Variants in TMEM232 observed in about 807,000 individuals in gnomAD.
TMEM232 encodes transmembrane protein 232.
TMEM232 carries 80 observed loss-of-function variants against 78.8 expected under a neutral mutation model. The observed-to-expected ratio is 1.01, with a 90% CI of 0.85 to 1.22. TMEM232 has a LOEUF of 1.22. Ranked by LOEUF, TMEM232 falls within the 50% of genes most tolerant of loss-of-function variation. TMEM232 has a pLI of 0.00. For missense variants in TMEM232, 881 were observed against 742.2 expected (o/e 1.19, Z -2.17); for synonymous variants, 297 against 254.3 (o/e 1.17, Z -1.60).
intron 11 of TMEM232, among the ~76,000 whole-genome samples, chr5:110,556,495 C>T (rs1331491757): frequency 6.6e-6 from 1 of 151,982 alleles, no homozygotes; most frequent in Non-Finnish European, 1.5e-5. Flanking sequence ...TCAAGCAATC[C>T]TCCCACCATA....
At position 110,646,949 on chromosome 5, in the gene TMEM232, C is replaced by T. The variant is rs530213905; in HGVS notation, c.126-4578G>A. 3.3e-3 allele frequency among the ~76,000 whole-genome samples: 494 copies of T among 150,222 alleles called. 3 individuals are homozygous for T. Among genetic ancestry groups the T allele is most frequent in the African/African-American group, 0.01 (416 of 41,182 alleles). Reference sequence around the variant, plus strand: ...ATGTGAAAAGGTTTTGTTTTTTTTTCTTCTTCTTCTTCTTTTTTCAACTAT... The same window carrying T: ...ATGTGAAAAGGTTTTGTTTTTTTTTTTTCTTCTTCTTCTTTTTTCAACTAT... On this transcript the variant is annotated intron_variant, in intron 2 of 13. Coordinates refer to ENST00000455884, the MANE Select transcript of TMEM232 (RefSeq NM_001039763.4).
At chr5:110,443,270 G>A (rs1245951969) in intron 12 of TMEM232, among the ~76,000 whole-genome samples, 2 of 152,178 alleles carry the variant, frequency 1.3e-5, no homozygotes, top group African/African-American at 4.8e-5. Flanking sequence ...CTATTCTACT[G>A]TGGCCAAGCT....
intron 2 of TMEM232, among the ~76,000 whole-genome samples, chr5:110,643,049 T>C (rs1437082103): frequency 1.3e-5 from 2 of 151,892 alleles, no homozygotes; most frequent in Non-Finnish European, 2.9e-5. Flanking sequence ...TTACAGAATA[T>C]AAATAAGGAG....
intron 11 of TMEM232, among the ~76,000 whole-genome samples, chr5:110,534,769 T>C: frequency 6.6e-6 from 1 of 152,222 alleles, no homozygotes; most frequent in Non-Finnish European, 1.5e-5. Flanking sequence ...TGAATCTCCT[T>C]AGGCACTCTC....
intron 12 of TMEM232, among the ~76,000 whole-genome samples, chr5:110,444,017 G>A (rs889123382): frequency 1.3e-5 from 2 of 152,130 alleles, no homozygotes; most frequent in African/African-American, 4.8e-5. Flanking sequence ...GGAAGGAATT[G>A]CTTTTGTTTG....
At chr5:110,431,714 A>G (rs1441749715) in intron 12 of TMEM232, among the ~76,000 whole-genome samples, 2 of 151,766 alleles carry the variant, frequency 1.3e-5, no homozygotes, top group East Asian at 1.9e-4. Context: ...TACTTATAGA[A>G]TTGACAAAAA....
intron 7 of TMEM232, among the ~76,000 whole-genome samples, chr5:110,622,658 G>A (rs1044649158): frequency 5.9e-5 from 9 of 152,100 alleles, no homozygotes; most frequent in African/African-American, 1.7e-4. Flanking sequence ...ACATACGTGT[G>A]CATGTGTCTT....
chr5:110,444,549 C>T (rs992915940), intron 12 of TMEM232, among the ~76,000 whole-genome samples: 21 of 152,102 alleles, frequency 1.4e-4, no homozygotes, highest in African/African-American at 4.6e-4. Context: ...TGTGATGATG[C>T]TTTTCCGTGA....
Position 110,622,919 on chromosome 5 carries a change from C to T in TMEM232, c.768+2348G>A, listed in dbSNP as rs536677612. 4.6e-5 allele frequency among the ~76,000 whole-genome samples: 7 copies of T among 151,712 alleles called. No individual in the cohort carries two copies. In the East Asian group the frequency reaches 1.4e-3, roughly 29 times the overall value. On this transcript the variant is annotated intron_variant, in intron 7 of 13. Transcript: ENST00000455884. ...ATGACGAGTTAGTGGGTGCAGCACA[C>T]CAGCATGGCACATGTATACATATGT... is the stretch of plus-strand genomic sequence containing the variant.
chr5:110,654,318 ATTTTTATATAAGGTGTAAGG>A (rs1392024939), intron 2 of TMEM232, among the ~76,000 whole-genome samples: 1 of 152,182 alleles, frequency 6.6e-6, no homozygotes, highest in African/African-American at 2.4e-5. Flanking sequence ...TCTTGAATTA[ATTTTTATATAAGGTGTAAGG>A]AAGGGATCCA....
rs181853362 is a variant in TMEM232, at chr5:110,411,726, G to A, written n.308+13097C>T. Among the ~76,000 whole-genome samples the A allele has an allele frequency of 1.5e-3, 229 of 152,214 alleles. 2 individuals carry two copies. Among genetic ancestry groups the A allele is most frequent in the African/African-American group, 5.3e-3 (220 of 41,522 alleles). ...ATAATAGTCTTATTTCACTGAGAATGGTGCCCTTAAGTTTATTCCATATTG... is the reference window on the plus strand; with the variant it reads ...ATAATAGTCTTATTTCACTGAGAATAGTGCCCTTAAGTTTATTCCATATTG... On this transcript the variant is annotated intron_variant and non_coding_transcript_variant, in intron 2 of 8. Transcript: ENST00000507188.
intron 10 of TMEM232, among the ~76,000 whole-genome samples, chr5:110,587,691 ATGTGTGTGTGTG>A (rs147127408): frequency 2.0e-3 from 125 of 63,092 alleles, no homozygotes; most frequent in African/African-American, 6.4e-3. Context: ...ATATATATAT[ATGTGTGTGTGTG>A]TGTGTGTGTG....
exon 2 of TMEM232, chr5:110,734,909 G>A (rs1421857270): frequency 2.0e-5 from 3 of 152,140 alleles, no homozygotes; most frequent in Non-Finnish European, 4.4e-5. Context: ...TTACCAGGCA[G>A]GGCGCAGTGG....
At chr5:110,578,900 A>G (rs1051318451) in intron 10 of TMEM232, among the ~76,000 whole-genome samples, 3 of 151,862 alleles carry the variant, frequency 2.0e-5, no homozygotes, top group African/African-American at 4.8e-5. Flanking sequence ...CCCTTGTGCC[A>G]TAACCCCTAC....
chr5:110,569,774 T>A (rs1178895428), intron 10 of TMEM232, among the ~76,000 whole-genome samples: 1 of 151,882 alleles, frequency 6.6e-6, no homozygotes, highest in Admixed American at 6.6e-5. Context: ...CAATTTTAGT[T>A]CTCACTACAA....
chr5:110,441,618 GTT>G (rs1561498863), intron 12 of TMEM232, among the ~76,000 whole-genome samples: 1 of 152,050 alleles, frequency 6.6e-6, no homozygotes, highest in East Asian at 1.9e-4. Context: ...ATGATATAGC[GTT>G]TCTATAATTG....
At chr5:110,669,784 T>C (rs980536987) in intron 1 of TMEM232, among the ~76,000 whole-genome samples, 3 of 152,204 alleles carry the variant, frequency 2.0e-5, no homozygotes, top group African/African-American at 7.2e-5. Context: ...TTATCCACCA[T>C]GATCAAGTGG....
At chr5:110,699,395 A>C (rs1317493571) in intron 1 of TMEM232, among the ~76,000 whole-genome samples, 1 of 152,042 alleles carries the variant, frequency 6.6e-6, no homozygotes, top group Admixed American at 6.6e-5. Context: ...TATGACTAAA[A>C]ATTATAATGC....
intron 2 of TMEM232, among the ~76,000 whole-genome samples, chr5:110,409,006 G>A (rs1755894948): frequency 6.6e-6 from 1 of 152,056 alleles, no homozygotes; most frequent in Non-Finnish European, 1.5e-5. Flanking sequence ...TTTAAATCAT[G>A]GAGTTTTGAG....
Sources: allele counts gnomAD v4.1 joint callset (sites outside exome capture counted in the v4.1 genomes callset), GRCh38; gene constraint gnomAD v4.1.1; transcripts MANE v1.5; gene names NCBI Gene and HGNC (gene_info 2026-07-23, HGNC 2026-07-21).